EFCAB8: variants seen among roughly 807,000 people sequenced by gnomAD.
The protein encoded by EFCAB8 is EF-hand calcium binding domain 8.
Under a neutral mutation model 116.3 loss-of-function variants are expected in EFCAB8, and 100 were observed. That is an observed-to-expected ratio of 0.86 (90% CI 0.73 to 1.02). EFCAB8 has a LOEUF of 1.02. Ranked by LOEUF, EFCAB8 falls within the 50% of genes least tolerant of loss-of-function variation. The pLI, the probability that EFCAB8 is intolerant of heterozygous loss-of-function variation, is 0.00. For synonymous variants in EFCAB8, 558 were observed against 567.9 expected (o/e 0.98, Z 0.25); for missense variants, 1,320 against 1,416.9 (o/e 0.93, Z 1.10).
intron 22 of EFCAB8, among the ~76,000 whole-genome samples, chr20:32,935,638 G>T (rs542903679): frequency 1.8e-4 from 27 of 151,792 alleles, no homozygotes; most frequent in Admixed American, 1.4e-3. Context: ...TCCCAAGTAG[G>T]TGGGATTACA....
chr20:32,910,372 C>T (rs1327020313), intron 15 of EFCAB8, among the ~76,000 whole-genome samples: 2 of 152,162 alleles, frequency 1.3e-5, no homozygotes, highest in African/African-American at 2.4e-5. Context: ...GCAGGCAGCA[C>T]CTTGGTCCTG....
chr20:32,922,466 G>A (rs1218649925), intron 20 of EFCAB8, among the ~76,000 whole-genome samples: 3 of 152,160 alleles, frequency 2.0e-5, no homozygotes, highest in Admixed American at 2.0e-4. Flanking sequence ...AGCAGTGAAT[G>A]AAAGATATCA....
Position 32,909,948 on chromosome 20 carries a change from T to TC in EFCAB8, c.1557+18dup. 2 of 1,233,194 alleles carry TC rather than the reference T, an allele frequency of 1.6e-6. No homozygotes were observed. The highest frequency in any genetic ancestry group is 2.1e-6 in the Non-Finnish European group (2 of 973,918). The allele number at this position is 1,233,194 out of a possible 1,614,324, so 76.4% of individuals were successfully genotyped here. ...TTTAAGCAGGTGAGTGGCCCAGGGCTCGCCTCTGAGGCTGGCGGGAACACC... is the reference window on the plus strand; with the variant it reads ...TTTAAGCAGGTGAGTGGCCCAGGGCTCCGCCTCTGAGGCTGGCGGGAACACC... On this transcript the variant is annotated intron_variant, in intron 15 of 26. Coordinates refer to ENST00000400522, the MANE Select transcript of EFCAB8 (RefSeq NM_001143967.2).
intron 23 of EFCAB8, 66 bp downstream of exon 23, chr20:32,943,870 A>G (rs1988490849): frequency 2.4e-6 from 1 of 415,316 alleles, no homozygotes; most frequent in Non-Finnish European, 4.4e-6. Context: ...GTCTGAACAT[A>G]AGCTGGTATG....
At chr20:32,937,074 T>A (rs1988148965) in intron 22 of EFCAB8, among the ~76,000 whole-genome samples, 1 of 152,078 alleles carries the variant, frequency 6.6e-6, no homozygotes. Context: ...TAATTTTGTA[T>A]TTAATTTTAT....
At chr20:32,928,100 A>T (rs1987743434) in intron 20 of EFCAB8, among the ~76,000 whole-genome samples, 1 of 152,132 alleles carries the variant, frequency 6.6e-6, no homozygotes, top group Non-Finnish European at 1.5e-5. Flanking sequence ...TAACTGGCTT[A>T]TGTCACTTAG....
At chr20:32,875,525 CAG>C (rs1400099892) in intron 3 of EFCAB8, among the ~76,000 whole-genome samples, 2 of 56,262 alleles carry the variant, frequency 3.6e-5, no homozygotes, top group Non-Finnish European at 1.3e-4. Flanking sequence ...TTTTTTGAGA[CAG>C]AGTTTTCTCT....
chr20:32,917,213 C>T (rs1987229452), intron 17 of EFCAB8, 88 bp from the exon 18 acceptor site: 1 of 1,102,050 alleles, frequency 9.1e-7, no homozygotes, highest in Non-Finnish European at 1.3e-6. Context: ...AGTCGGCTCC[C>T]AGAATCCTCA....
intron 20 of EFCAB8, among the ~76,000 whole-genome samples, chr20:32,927,318 C>T (rs1240409892): frequency 1.3e-5 from 2 of 151,926 alleles, no homozygotes; most frequent in Non-Finnish European, 2.9e-5. Context: ...TTTGGATTCA[C>T]CATGATTTGT....
At chr20:32,863,517 G>A (rs922131543) in intron 1 of EFCAB8, among the ~76,000 whole-genome samples, 1 of 152,198 alleles carries the variant, frequency 6.6e-6, no homozygotes, top group Admixed American at 6.5e-5. Context: ...AGAAACTTGT[G>A]AAACCCCATG....
chr20:32,861,435 T>C (rs1467733734), intron 1 of EFCAB8, among the ~76,000 whole-genome samples: 3 of 152,120 alleles, frequency 2.0e-5, no homozygotes, highest in African/African-American at 7.2e-5. Flanking sequence ...ATTACAGGCA[T>C]CCACCACCAC....
chr20:32,944,088 T>G (rs949256382), intron 23 of EFCAB8, among the ~76,000 whole-genome samples: 22 of 152,224 alleles, frequency 1.4e-4, no homozygotes, highest in African/African-American at 5.3e-4. Flanking sequence ...AATTGTTGCA[T>G]TGTATATAAA....
intron 3 of EFCAB8, among the ~76,000 whole-genome samples, chr20:32,875,364 G>A (rs1418410068): frequency 6.6e-6 from 1 of 152,124 alleles, no homozygotes; most frequent in Non-Finnish European, 1.5e-5. Flanking sequence ...TGAGGGGCTG[G>A]AGGAGGCAGC....
chr20:32,882,628 CT>C (rs1236649764), intron 5 of EFCAB8, among the ~76,000 whole-genome samples: 2 of 152,194 alleles, frequency 1.3e-5, no homozygotes, highest in Non-Finnish European at 2.9e-5. Context: ...TCAAGTGATT[CT>C]TTTGCCTCAG....
chr20:32,888,043 T>C (rs759069104), intron 6 of EFCAB8, among the ~76,000 whole-genome samples: 2 of 151,660 alleles, frequency 1.3e-5, no homozygotes, highest in African/African-American at 2.4e-5. Context: ...TCCATGGCTA[T>C]CCTCTCTACA....
chr20:32,910,647 T>G (rs1237311299), intron 15 of EFCAB8, among the ~76,000 whole-genome samples: 1 of 151,882 alleles, frequency 6.6e-6, no homozygotes, highest in East Asian at 1.9e-4. Flanking sequence ...CTTCAGTACC[T>G]TAAAAAAGTT....
At chr20:32,905,343 G>A (rs752721057) in intron 11 of EFCAB8, among the ~76,000 whole-genome samples, 2 of 152,162 alleles carry the variant, frequency 1.3e-5, no homozygotes, top group African/African-American at 4.8e-5. Flanking sequence ...AGACAGGGAC[G>A]CCTGTGTAGT....
intron 23 of EFCAB8, among the ~76,000 whole-genome samples, chr20:32,945,540 A>G (rs1988566885): frequency 6.6e-6 from 1 of 152,144 alleles, no homozygotes; most frequent in East Asian, 1.9e-4. Context: ...CTTGTTGAGC[A>G]TTTTTATTAC....
chr20:32,934,977 A>T (rs1988047220), intron 22 of EFCAB8, among the ~76,000 whole-genome samples: 1 of 151,964 alleles, frequency 6.6e-6, no homozygotes, highest in Non-Finnish European at 1.5e-5. Context: ...CTGCCTCCTC[A>T]CCAACACTTG....
Sources: allele counts gnomAD v4.1 joint callset (sites outside exome capture counted in the v4.1 genomes callset), GRCh38; gene constraint gnomAD v4.1.1; transcripts MANE v1.5; gene names NCBI Gene and HGNC (gene_info 2026-07-23, HGNC 2026-07-21).